SEPTIN11: variants seen among roughly 807,000 people sequenced by gnomAD.
SEPTIN11 encodes septin 11, also known as septin-11.
A neutral mutation model predicts 51.4 loss-of-function variants in SEPTIN11; 25 were observed. The ratio of observed to expected loss-of-function variants is 0.49; its 90% CI spans 0.35 to 0.68. The LOEUF is 0.68. Among genes scored for constraint, SEPTIN11 ranks in the 30% least tolerant of loss-of-function variants. SEPTIN11 has a pLI of 0.00. For missense variants in SEPTIN11, 381 were observed against 520.8 expected, an observed-to-expected ratio of 0.73 and a Z score of 2.61; for synonymous variants, 174 against 184.1, an observed-to-expected ratio of 0.95 and a Z score of 0.44.
rs149101896 is a variant in SEPTIN11 at position 77,035,309 on chromosome 4, G to A, written c.*797G>A. ...AAGAATCTTCTTCTAAGGATGATGG[G>A]CTTTCTACAGCCTGCTTACCACTAA... On this transcript the variant is annotated 3_prime_UTR_variant, in exon 10 of 10. Coordinates refer to ENST00000264893, the MANE Select transcript of SEPTIN11 (RefSeq NM_018243.4). 110 of 985,380 alleles carry A rather than the reference G, an allele frequency of 1.1e-4. No individual in the cohort carries two copies. In the African/African-American group the frequency reaches 1.6e-3, roughly 14 times the overall value. 61.0% of individuals were successfully genotyped at this position (985,380 alleles called of 1,614,324 possible).
At chr4:76,969,181 G>A (rs2109898492) in intron 1 of SEPTIN11, among the ~76,000 whole-genome samples, 1 of 152,282 alleles carries the variant, frequency 6.6e-6, no homozygotes, top group South Asian at 2.1e-4. Flanking sequence ...CTCAGTCTTG[G>A]TCATGAGCAC....
chr4:76,976,892 C>T (rs769135927), intron 1 of SEPTIN11, among the ~76,000 whole-genome samples: 1 of 152,208 alleles, frequency 6.6e-6, no homozygotes, highest in Non-Finnish European at 1.5e-5. Context: ...GTGGTGGTCC[C>T]TGTCACTTAT....
chr4:77,015,474 A>G (rs920103887), intron 5 of SEPTIN11, among the ~76,000 whole-genome samples: 2 of 152,206 alleles, frequency 1.3e-5, no homozygotes, highest in African/African-American at 4.8e-5. Flanking sequence ...TACAATTTCC[A>G]CATCACAGAG....
chr4:76,958,937 A>T (rs1721682398), intron 1 of SEPTIN11: 1 of 1,277,070 alleles, frequency 7.8e-7, no homozygotes, highest in East Asian at 2.3e-5. Flanking sequence ...CTTCTTAAAA[A>T]ACTGGAATGT....
intron 8 of SEPTIN11, among the ~76,000 whole-genome samples, chr4:77,029,753 C>CATAT (rs141639335): frequency 5.4e-5 from 8 of 149,504 alleles, no homozygotes; most frequent in African/African-American, 1.5e-4. Flanking sequence ...ATACATAATG[C>CATAT]ATATATATAT....
At chr4:77,008,956 G>T (rs1015212961) in intron 3 of SEPTIN11, among the ~76,000 whole-genome samples, 2 of 152,230 alleles carry the variant, frequency 1.3e-5, no homozygotes, top group Non-Finnish European at 2.9e-5. Flanking sequence ...GAAGTGGAAA[G>T]GATTTGGAGG....
intron 1 of SEPTIN11, among the ~76,000 whole-genome samples, chr4:76,959,696 A>G (rs1277477403): frequency 6.6e-6 from 1 of 151,696 alleles, no homozygotes; most frequent in Non-Finnish European, 1.5e-5. Context: ...AACTCTTTTG[A>G]AAAAAAATAA....
At chr4:76,973,174 T>C (rs1289084046) in intron 1 of SEPTIN11, 1 of 152,210 alleles carries the variant, frequency 6.6e-6, no homozygotes, top group African/African-American at 2.4e-5. Context: ...CAGGACTTTA[T>C]CACTCAAAGC....
intron 1 of SEPTIN11, among the ~76,000 whole-genome samples, chr4:76,979,546 T>A (rs1239264580): frequency 1.3e-5 from 2 of 152,126 alleles, no homozygotes; most frequent in Admixed American, 1.3e-4. Flanking sequence ...GCCAATAGTA[T>A]CTACTTCACA....
At chr4:76,986,116 G>A (rs963245101) in intron 1 of SEPTIN11, among the ~76,000 whole-genome samples, 1 of 152,136 alleles carries the variant, frequency 6.6e-6, no homozygotes, top group African/African-American at 2.4e-5. Flanking sequence ...AGAGGATAGG[G>A]GAGGGTTTAA....
At chr4:76,974,777 T>A (rs1295259259) in intron 1 of SEPTIN11, 1 of 456,676 alleles carries the variant, frequency 2.2e-6, no homozygotes, top group East Asian at 6.9e-5. Flanking sequence ...CAAGTTTAAC[T>A]TAGGTCCTCA....
At chr4:76,986,958 C>G (rs562053309) in intron 1 of SEPTIN11, among the ~76,000 whole-genome samples, 1 of 152,262 alleles carries the variant, frequency 6.6e-6, no homozygotes, top group African/African-American at 2.4e-5. Flanking sequence ...AACCCCCACA[C>G]GGCATTAATT....
At chr4:77,017,868 C>T (rs1414449671) in intron 5 of SEPTIN11, among the ~76,000 whole-genome samples, 1 of 152,190 alleles carries the variant, frequency 6.6e-6, no homozygotes, top group Non-Finnish European at 1.5e-5. Context: ...GTGAAAGAGT[C>T]AGTTGTCTTG....
rs148089235 is a variant in SEPTIN11 at position 76,979,672 on chromosome 4, T to A, written c.28-16753T>A. ...GTCAAGGCAGGCGGATCACCTGAGG[T>A]CAGGAGTTCAAGAACAGCCTGGCCA... On this transcript the variant is annotated intron_variant, in intron 1 of 9. Coordinates refer to ENST00000264893, the MANE Select transcript of SEPTIN11 (RefSeq NM_018243.4). 6.0e-3 allele frequency among the ~76,000 whole-genome samples: 906 copies of A among 151,998 alleles called. 6 individuals carry two copies. Among genetic ancestry groups the A allele is most frequent in the African/African-American group, 0.021 (874 of 41,442 alleles).
rs769454719 is a variant in SEPTIN11, at chr4:77,037,358, C to CA, written c.*2858dup. The CA allele has an allele frequency of 0.14, 83,385 of 595,586 alleles. 136 individuals carry two copies. The highest frequency in any genetic ancestry group is 0.15 in the Non-Finnish European group (71,815 of 483,390). 36.9% of individuals were successfully genotyped at this position (595,586 alleles called of 1,614,324 possible). A position where few individuals can be genotyped will look rare whatever the true frequency, so the allele number is the denominator to read the frequency against. ...ACCTGGGTGATGAAGTGAGACTCTC[C>CA]AAAAAAAAAAAAGAAATTATTAATC... On this transcript the variant is annotated 3_prime_UTR_variant, in exon 10 of 10. Coordinates refer to ENST00000264893, the MANE Select transcript of SEPTIN11 (RefSeq NM_018243.4).
At chr4:77,039,650 A>T (rs566746535), downstream of SEPTIN11, 3,427 of 969,940 alleles carry the variant, frequency 3.5e-3, 87 homozygotes, top group African/African-American at 0.056. Context: ...GGGGTTTTTA[A>T]AAAAAAAAAA....
rs1210299773 is a variant in SEPTIN11, at chr4:77,017,082, G to A, written c.687+2065G>A. Among the ~76,000 whole-genome samples, 5 of 152,226 alleles carry A rather than the reference G, an allele frequency of 3.3e-5. No homozygotes were observed. The East Asian group carries it at 7.7e-4, about 24-fold the overall frequency. ...TGAGATGGCACTCCTTTATTCTGCTGTAGAACTGTAATTTGGGATGTCAGT... is the reference window on the plus strand; with the variant it reads ...TGAGATGGCACTCCTTTATTCTGCTATAGAACTGTAATTTGGGATGTCAGT... On this transcript the variant is annotated intron_variant, in intron 5 of 9. Coordinates refer to ENST00000264893, the MANE Select transcript of SEPTIN11 (RefSeq NM_018243.4).
chr4:77,031,572 TG>T (rs1302529779), intron 9 of SEPTIN11: 1 of 152,238 alleles, frequency 6.6e-6, no homozygotes, highest in Non-Finnish European at 1.5e-5. Context: ...AGGGTCTTAA[TG>T]TCATGTGCCA....
rs145440354 is a variant in SEPTIN11 at position 76,982,084 on chromosome 4, C to G, written c.28-14341C>G. 2.6e-3 allele frequency among the ~76,000 whole-genome samples: 396 copies of G among 152,328 alleles called. 2 individuals are homozygous for G. The highest frequency in any genetic ancestry group is 9.2e-3 in the African/African-American group (383 of 41,568). On this transcript the variant is annotated intron_variant, in intron 1 of 9. Coordinates refer to ENST00000264893, the MANE Select transcript of SEPTIN11 (RefSeq NM_018243.4). ...CAGTTTTAAAGTCTTACATCCTCTA[C>G]TCTTAGTTTTCCTAGTTCATTGATT...
Sources: allele counts gnomAD v4.1 joint callset (sites outside exome capture counted in the v4.1 genomes callset), GRCh38; gene constraint gnomAD v4.1.1; transcripts MANE v1.5; gene names NCBI Gene and HGNC (gene_info 2026-07-23, HGNC 2026-07-21).